LAMA1: variants seen among roughly 807,000 people sequenced by gnomAD.
The protein encoded by LAMA1 is laminin subunit alpha-1.
LAMA1 carries 219 observed loss-of-function variants against 348.7 expected under a neutral mutation model. That is an observed-to-expected ratio of 0.63 (90% confidence interval 0.56 to 0.70). The LOEUF (loss-of-function observed/expected upper bound fraction) is 0.70, where lower values mean the gene tolerates loss of function less well. Ranked by LOEUF, LAMA1 falls within the 30% of genes least tolerant of loss-of-function variation. The pLI is 0.00. For synonymous variants in LAMA1, 1,487 were observed against 1,491.0 expected, an observed-to-expected ratio of 1.00 and a Z score of 0.06; for missense variants, 3,744 against 3,888.0, an observed-to-expected ratio of 0.96 and a Z score of 0.99.
chr18:7,035,569 C>T (rs1396441873), intron 13 of LAMA1, among the ~76,000 whole-genome samples: 6 of 151,996 alleles, frequency 3.9e-5, no homozygotes, highest in African/African-American at 9.7e-5. Context: ...ATTACAGGCA[C>T]GTGCCACGGT....
In LAMA1 at chr18:6,955,763, G is replaced by A. The variant is rs932409930; in HGVS notation, c.8095-298C>T. The A allele has an allele frequency of 4.8e-5, 23 of 476,814 alleles. No homozygotes were observed. In the Admixed American group the frequency reaches 6.6e-4, roughly 14 times the overall value. 29.5% of individuals were successfully genotyped at this position (476,814 alleles called of 1,614,324 possible). A position where few individuals can be genotyped will look rare whatever the true frequency, so the allele number is the denominator to read the frequency against. On this transcript the variant is annotated intron_variant, in intron 56 of 62. Transcript: ENST00000389658. ...ATTTTCATCAGGCTTAAGGGGCAAA[G>A]GCCTTGCTGTCCCCCTAGGCCCCCG...
chr18:7,080,182 T>C (rs1361854856), intron 2 of LAMA1, 95 bp from the exon 3 acceptor site: 2 of 1,568,510 alleles, frequency 1.3e-6, no homozygotes, highest in Non-Finnish European at 1.8e-6. Flanking sequence ...CAAAGAGCAG[T>C]GAAGGTGAAC....
chr18:7,029,169 C>G (rs1216063615), intron 16 of LAMA1, among the ~76,000 whole-genome samples: 1 of 152,140 alleles, frequency 6.6e-6, no homozygotes, highest in African/African-American at 2.4e-5. Context: ...GAATATGAAT[C>G]TATTAATAAG....
intron 1 of LAMA1, among the ~76,000 whole-genome samples, chr18:7,085,298 T>C (rs962559996): frequency 1.3e-5 from 2 of 152,048 alleles, no homozygotes; most frequent in Non-Finnish European, 2.9e-5. Flanking sequence ...TTTGGAAAAG[T>C]AGGAATTTAA....
At chr18:7,102,149 C>G (rs998292109) in intron 1 of LAMA1, among the ~76,000 whole-genome samples, 1 of 152,026 alleles carries the variant, frequency 6.6e-6, no homozygotes, top group South Asian at 2.1e-4. Flanking sequence ...TAAATTCAGT[C>G]AATTATAATA....
chr18:7,114,173 A>G (rs2058347187), intron 1 of LAMA1, among the ~76,000 whole-genome samples: 2 of 152,236 alleles, frequency 1.3e-5, no homozygotes, highest in South Asian at 2.1e-4. Flanking sequence ...TCAGCAATGA[A>G]AGAGAGATGA....
intron 1 of LAMA1, among the ~76,000 whole-genome samples, chr18:7,115,325 T>C (rs1339211910): frequency 1.3e-5 from 2 of 152,198 alleles, no homozygotes; most frequent in African/African-American, 4.8e-5. Context: ...ACAAAAGTGA[T>C]GAAGCAACCA....
intron 22 of LAMA1, among the ~76,000 whole-genome samples, chr18:7,015,292 TAG>T (rs2057881903): frequency 6.6e-6 from 1 of 152,138 alleles, no homozygotes; most frequent in Non-Finnish European, 1.5e-5. Flanking sequence ...ATTTTTAAGA[TAG>T]AGTCTTTCTC....
chr18:6,966,028 A>C, intron 49 of LAMA1, 119 bp downstream of exon 49: 1 of 1,108,326 alleles, frequency 9.0e-7, no homozygotes, highest in Non-Finnish European at 1.3e-6. Context: ...TGCTCATAAA[A>C]ATTGTATGGT....
intron 34 of LAMA1, among the ~76,000 whole-genome samples, chr18:6,994,109 A>T (rs1200725828): frequency 6.6e-6 from 1 of 152,180 alleles, no homozygotes; most frequent in African/African-American, 2.4e-5. Flanking sequence ...AACCTTACTG[A>T]TTTGTATGGC....
In LAMA1 at chr18:6,947,245, C is replaced by T. The variant is rs371871409; in HGVS notation, c.8762G>A (p.Arg2921Gln). Residue 2921 changes from arginine to glutamine, a missense_variant, in exon 61 of 63, where the codon CGA (arginine) becomes CAA (glutamine). Arg to Gln is a conservative substitution (Grantham distance 43). Transcript: ENST00000389658. ...GAGGACGCCATTCTGCGAGGAGGTT[C>T]GAAACTCCAGTGTGATGTTCACATC... ...QSDVNITLEF[R>Q]TSSQNGVLLG... The T allele has an allele frequency of 2.8e-5, 45 of 1,613,990 alleles. No homozygotes were observed. The highest frequency in any genetic ancestry group is 3.1e-5 in the Non-Finnish European group (36 of 1,180,038).
At chr18:6,968,572 C>T (rs974651816) in intron 48 of LAMA1, among the ~76,000 whole-genome samples, 4 of 152,200 alleles carry the variant, frequency 2.6e-5, no homozygotes, top group African/African-American at 4.8e-5. Context: ...AGGCCAGCCA[C>T]GTAGCCAGCA....
chr18:6,958,111 G>A (rs2057588998), intron 55 of LAMA1, among the ~76,000 whole-genome samples: 2 of 152,062 alleles, frequency 1.3e-5, no homozygotes, highest in Non-Finnish European at 2.9e-5. Flanking sequence ...GCTGCTAGTA[G>A]CCCCATAGTA....
At position 6,986,156 on chromosome 18, in the gene LAMA1, G is replaced by A; in HGVS notation, c.5360C>T (p.Ala1787Val). The A allele has an allele frequency of 6.2e-7, 1 of 1,614,216 alleles. No homozygotes were observed. Among genetic ancestry groups the A allele is most frequent in the Non-Finnish European group, 8.5e-7 (1 of 1,180,034 alleles). The change falls in exon 37 of 63, where the codon GCT (alanine) becomes GTT (valine). Residue 1787 changes from alanine (A) to valine (V), a missense_variant. Ala to Val is a moderately conservative substitution (Grantham distance 64). Around this residue, in one of 3 missense-constraint regions of LAMA1, gnomAD observed 1,983 missense variants for 1,934.3 expected, o/e 1.03. Coordinates refer to ENST00000389658, the MANE Select transcript of LAMA1 (RefSeq NM_005559.4). ...ACTCACACTGAATTCTCTCAGATTA[G>A]CATTGACCATGAGCAGCAGGTGGTT... ...ESNHLLLMVN[A>V]NLREFSDKKL... is the part of the protein sequence containing the mutation.
chr18:7,057,471 CTTTT>C lies in LAMA1; in HGVS notation c.346-6539_346-6536del, dbSNP rs552843703. Among the ~76,000 whole-genome samples, 73 of 90,804 alleles carry C rather than the reference CTTTT, an allele frequency of 8.0e-4. 1 individual carries two copies. Among genetic ancestry groups the C allele is most frequent in the African/African-American group, 2.5e-3 (70 of 27,978 alleles). The allele number at this position is 90,804 out of a possible 152,430, so 59.6% of individuals were successfully genotyped here. ...TTCTTTCTTTCTTTTCTTTTCTTTT[CTTTT>C]TTTTTTTTTTTTTTTTTGAGATAGG... On this transcript the variant is annotated intron_variant, in intron 3 of 62. Coordinates refer to ENST00000389658, the MANE Select transcript of LAMA1 (RefSeq NM_005559.4).
chr18:7,032,806 G>A (rs1267097149), intron 15 of LAMA1, among the ~76,000 whole-genome samples, 178 bp downstream of exon 15: 1 of 152,186 alleles, frequency 6.6e-6, no homozygotes, highest in Non-Finnish European at 1.5e-5. Context: ...TCCTGGTGGA[G>A]GAATCTGATT....
At chr18:6,961,536 C>A in intron 53 of LAMA1, 50 bp downstream of exon 53, 2 of 1,606,040 alleles carry the variant, frequency 1.2e-6, no homozygotes, top group Non-Finnish European at 1.7e-6. Context: ...CTCATTGTTT[C>A]CCGAAGTAAT....
intron 17 of LAMA1, 82 bp from the exon 18 acceptor site, chr18:7,024,548 A>G (rs2057933754): frequency 1.8e-6 from 2 of 1,129,500 alleles, no homozygotes; most frequent in African/African-American, 1.5e-5. Context: ...CATTTCTACT[A>G]CTCCTGTGCT....
intron 29 of LAMA1, among the ~76,000 whole-genome samples, chr18:7,005,717 G>A (rs1036825828): frequency 6.6e-6 from 1 of 152,116 alleles, no homozygotes; most frequent in Non-Finnish European, 1.5e-5. Flanking sequence ...TTGTACTCCA[G>A]CCTGGGTGAC....
Sources: gnomAD v4.1 joint callset for allele counts (sites outside exome capture counted in the v4.1 genomes callset) on GRCh38, gnomAD v4.1.1 for gene constraint, gnomAD v4.1.1 regional missense constraint, MANE v1.5 for transcripts, NCBI Gene and HGNC (gene_info 2026-07-23, HGNC 2026-07-21) for gene names.